Variants in MEF2C observed in about 807,000 individuals in gnomAD.
MEF2C encodes the protein myocyte enhancer factor 2C, also known as myocyte-specific enhancer factor 2C.
In MEF2C, 6 loss-of-function variants were observed where a neutral mutation model predicts 50.5. The ratio of observed to expected loss-of-function variants is 0.12; its 90% confidence interval spans 0.07 to 0.23. The LOEUF is 0.23. Ranked by LOEUF, MEF2C falls within the 10% of genes least tolerant of loss-of-function variation. The pLI is 1.00. For missense variants in MEF2C, 276 were observed against 605.0 expected (o/e 0.46, Z 5.70); for synonymous variants, 183 against 228.0 (o/e 0.80, Z 1.78).
At chr5:88,895,059 T>G (rs988383906) in intron 1 of MEF2C, among the ~76,000 whole-genome samples, 6 of 152,184 alleles carry the variant, frequency 3.9e-5, no homozygotes, top group African/African-American at 1.4e-4. Context: ...GCCTCGCATA[T>G]AGAAAATTCT....
intron 1 of MEF2C, among the ~76,000 whole-genome samples, chr5:88,878,707 C>A (rs1158692167): frequency 6.6e-6 from 1 of 151,410 alleles, no homozygotes; most frequent in Non-Finnish European, 1.5e-5. Flanking sequence ...TTCTTTATTC[C>A]ACTTTTACAA....
upstream of MEF2C, chr5:88,888,063 A>G (rs915400342): frequency 3.9e-5 from 6 of 152,278 alleles, no homozygotes; most frequent in Admixed American, 6.5e-5. Flanking sequence ...AGTTGAGGTT[A>G]CTGAAAGGGC....
chr5:88,791,257 T>C (rs1009155611), intron 3 of MEF2C, among the ~76,000 whole-genome samples: 1 of 152,132 alleles, frequency 6.6e-6, no homozygotes, highest in Admixed American at 6.6e-5. Flanking sequence ...TATTTTTCTC[T>C]TTTCATTTCC....
intron 1 of MEF2C, among the ~76,000 whole-genome samples, chr5:88,899,803 CTA>C (rs559636158): frequency 1.0e-3 from 153 of 152,178 alleles, no homozygotes; most frequent in African/African-American, 3.4e-3. Context: ...TGATTAATGA[CTA>C]ATGTTGATTT....
Position 88,823,717 on chromosome 5 carries a change from A to G in MEF2C, c.54+18T>C. 6.3e-7 allele frequency: 1 copy of G among 1,589,454 alleles called. No homozygotes were observed. The highest frequency in any genetic ancestry group is 8.6e-7 in the Non-Finnish European group (1 of 1,166,334). ...ATAATTAATAAATAATGATACAAAAAAAGTTTACTCCACTCACCTGTCTGT... is the reference window on the plus strand; with the variant it reads ...ATAATTAATAAATAATGATACAAAAGAAGTTTACTCCACTCACCTGTCTGT... On this transcript the variant is annotated intron_variant, in intron 2 of 10. Transcript: ENST00000504921.
chr5:88,751,798 T>G lies in MEF2C; in HGVS notation c.589+59A>C, dbSNP rs1006703248. The G allele has an allele frequency of 6.2e-5, 96 of 1,555,886 alleles. No individual in the cohort carries two copies. In the African/African-American group the frequency reaches 1.2e-3, roughly 19 times the overall value. ...ATCTCGTAGATAAAGCAGTGTTGGC[T>G]TTGCCGAAAATGGTTCCTTCCAACT... On this transcript the variant is annotated intron_variant, in intron 5 of 10. Coordinates refer to ENST00000504921, the MANE Select transcript of MEF2C (RefSeq NM_002397.5).
chr5:88,812,224 G>A (rs941490785), intron 2 of MEF2C, among the ~76,000 whole-genome samples: 1 of 152,052 alleles, frequency 6.6e-6, no homozygotes, highest in Non-Finnish European at 1.5e-5. Context: ...GAGTACCTGG[G>A]CCATCTTTTG....
upstream of MEF2C, among the ~76,000 whole-genome samples, chr5:88,885,361 T>TC (rs1420637522): frequency 6.6e-6 from 1 of 152,214 alleles, no homozygotes; most frequent in Non-Finnish European, 1.5e-5. Flanking sequence ...TGAACAATCT[T>TC]CAAGTTCCAG....
At chr5:88,782,403 T>C (rs1306532131) in intron 3 of MEF2C, among the ~76,000 whole-genome samples, 2 of 151,664 alleles carry the variant, frequency 1.3e-5, no homozygotes, top group Non-Finnish European at 2.9e-5. Context: ...GAGTTGGAGG[T>C]TGCAGTAAGC....
intron 6 of MEF2C, chr5:88,739,975 A>T: frequency 1.0e-6 from 1 of 985,148 alleles, no homozygotes; most frequent in Non-Finnish European, 1.2e-6. Context: ...ATAATAATGC[A>T]TAATGTTAAA....
Position 88,752,387 on chromosome 5 carries a change from C to T in MEF2C, c.403-344G>A, listed in dbSNP as rs116158197. Among the ~76,000 whole-genome samples, 984 of 152,224 alleles carry T rather than the reference C, an allele frequency of 6.5e-3. 12 individuals carry two copies. Among genetic ancestry groups the T allele is most frequent in the Non-Finnish European group, 8.0e-3 (547 of 68,002 alleles). On this transcript the variant is annotated intron_variant, in intron 4 of 10. Transcript: ENST00000504921. ...AGAAATGACTGCAAGATCAAAGGTG[C>T]CTGATTGTGATGACTTCACAGAGAA...
chr5:88,894,694 A>G (rs142912709), intron 1 of MEF2C, among the ~76,000 whole-genome samples: 1 of 152,334 alleles, frequency 6.6e-6, no homozygotes, highest in East Asian at 1.9e-4. Flanking sequence ...GAAGATATAA[A>G]AGAGGAATTT....
At chr5:88,779,137 T>G (rs530911468) in intron 3 of MEF2C, among the ~76,000 whole-genome samples, 21 of 152,396 alleles carry the variant, frequency 1.4e-4, no homozygotes, top group African/African-American at 4.8e-4. Flanking sequence ...AAGTCCATTT[T>G]CTGTTGAATA....
chr5:88,791,487 A>C (rs1793724433), intron 3 of MEF2C, among the ~76,000 whole-genome samples: 1 of 152,194 alleles, frequency 6.6e-6, no homozygotes. Context: ...TAATGCTTGC[A>C]AACTATTAGA....
At position 88,738,011 on chromosome 5, in the gene MEF2C, TAGA is replaced by T. The variant is rs1764837198; in HGVS notation, c.638-6113_638-6111del. On this transcript the variant is annotated intron_variant, in intron 6 of 10. Transcript: ENST00000504921. ...AGAAGCTAGTTAGAACGCCTTGCTC[TAGA>T]ATACATGAGAAATGATGTCTGAATG... 4.1e-6 allele frequency: 4 copies of T among 985,368 alleles called. No homozygotes were observed. In the South Asian group the frequency reaches 1.4e-4, roughly 35 times the overall value. The allele number at this position is 985,368 out of a possible 1,614,324, so 61.0% of individuals were successfully genotyped here.
intron 1 of MEF2C, among the ~76,000 whole-genome samples, chr5:88,837,413 T>C (rs2153276054): frequency 6.6e-6 from 1 of 152,294 alleles, no homozygotes; most frequent in Non-Finnish European, 1.5e-5. Flanking sequence ...AGAGTGCAAT[T>C]TGTTTCCAAA....
chr5:88,842,149 T>A (rs868056084), intron 1 of MEF2C, among the ~76,000 whole-genome samples: 1 of 152,142 alleles, frequency 6.6e-6, no homozygotes, highest in Non-Finnish European at 1.5e-5. Context: ...ACATAGTATA[T>A]TTTATAAGAA....
At chr5:88,878,211 A>G (rs939006781) in intron 1 of MEF2C, among the ~76,000 whole-genome samples, 2 of 151,978 alleles carry the variant, frequency 1.3e-5, no homozygotes, top group Non-Finnish European at 2.9e-5. Flanking sequence ...CTACACTTGG[A>G]TGCTATAGAA....
chr5:88,894,875 C>T lies in MEF2C; in HGVS notation c.-239-7277G>A, dbSNP rs559001836. On this transcript the variant is annotated intron_variant, in intron 1 of 11. Transcript: ENST00000340208. ...TTTTCAAAGAGTATAAAATGGGCAG[C>T]GGAGGGTAACTAGGAAACTCTGGAG... is the stretch of plus-strand genomic sequence containing the variant. Among the ~76,000 whole-genome samples, 140 of 152,086 alleles carry T rather than the reference C, an allele frequency of 9.2e-4. 1 individual carries two copies. The highest frequency in any genetic ancestry group is 2.8e-3 in the African/African-American group (116 of 41,490).
Sources: allele counts gnomAD v4.1 joint callset (sites outside exome capture counted in the v4.1 genomes callset), GRCh38; gene constraint gnomAD v4.1.1; transcripts MANE v1.5; gene names NCBI Gene and HGNC (gene_info 2026-07-23, HGNC 2026-07-21).